The following TCERG1L variants were observed in gnomAD, a reference collection of about 807,000 sequenced individuals.
The protein encoded by TCERG1L is transcription elongation regulator 1 like.
In TCERG1L, 37 loss-of-function variants were observed where a neutral mutation model predicts 56.3. The observed-to-expected ratio is 0.66, with a 90% CI of 0.51 to 0.87. The LOEUF (loss-of-function observed/expected upper bound fraction) is 0.87. Ranked by LOEUF, TCERG1L falls within the 40% of genes least tolerant of loss-of-function variation. The probability of loss-of-function intolerance (pLI) is 0.00; values close to 1 mark genes in which losing one functional copy is unlikely to be tolerated. For missense variants in TCERG1L, 799 were observed against 774.2 expected (o/e 1.03, Z -0.38); for synonymous variants, 324 against 326.3 (o/e 0.99, Z 0.08).
chr10:131,311,623 C>A lies in TCERG1L; in HGVS notation c.13G>T (p.Ala5Ser), dbSNP rs1269338770. 2.6e-6 allele frequency: 3 copies of A among 1,135,954 alleles called. No homozygotes were observed. The highest frequency in any genetic ancestry group is 3.2e-6 in the Non-Finnish European group (3 of 927,798). 70.4% of individuals were successfully genotyped at this position (1,135,954 alleles called of 1,614,324 possible). Residue 5 changes from alanine (A) to serine (S), a missense_variant, in exon 1 of 12, where the codon GCC becomes TCC. By Grantham distance (99) the Ala-to-Ser change is moderately conservative. Transcript: ENST00000368642. This position sits in a 1 kb window ranked among gnomAD's most constrained non-coding sequence, Gnocchi z 4.0. Reference protein sequence around the residue: MQAGARFQRRRRQLQ... With the variant: MQAGSRFQRRRRQLQ... Reference sequence around the variant, plus strand: ...TGCCGCCGCCGCCGCTGGAACCTGGCGCCCGCCTGCATCCTACATCCCCGC... The same window carrying A: ...TGCCGCCGCCGCCGCTGGAACCTGGAGCCCGCCTGCATCCTACATCCCCGC...
chr10:131,282,137 GAA>G (rs543405432), intron 3 of TCERG1L, among the ~76,000 whole-genome samples: 23,003 of 91,272 alleles, frequency 0.25, 1,564 homozygotes, highest in East Asian at 0.47. Context: ...CTCCATCTCA[GAA>G]AAAAAAAAAA....
At chr10:131,242,129 A>G (rs1456767678) in intron 4 of TCERG1L, among the ~76,000 whole-genome samples, 3 of 152,200 alleles carry the variant, frequency 2.0e-5, no homozygotes, top group Admixed American at 2.0e-4. Flanking sequence ...GCTGTGCTCC[A>G]GCAAGTGAGA....
At chr10:131,239,958 T>A (rs1219292147) in intron 4 of TCERG1L, among the ~76,000 whole-genome samples, 1 of 152,174 alleles carries the variant, frequency 6.6e-6, no homozygotes, top group Non-Finnish European at 1.5e-5. Flanking sequence ...CACTTTTGTC[T>A]GTGGGGTGCT....
intron 6 of TCERG1L, chr10:131,156,093 A>G (rs1321743216): frequency 6.6e-6 from 1 of 152,212 alleles, no homozygotes; most frequent in Non-Finnish European, 1.5e-5. Context: ...CACGGGAGAA[A>G]GTGACACAGG....
chr10:131,130,092 A>C (rs935087177), intron 8 of TCERG1L, among the ~76,000 whole-genome samples: 2 of 152,032 alleles, frequency 1.3e-5, no homozygotes, highest in African/African-American at 4.8e-5. Context: ...ATTTATAAAA[A>C]AAAAAAAAAA....
chr10:131,105,734 C>T (rs1845346186), intron 9 of TCERG1L, among the ~76,000 whole-genome samples: 1 of 152,216 alleles, frequency 6.6e-6, no homozygotes, highest in Non-Finnish European at 1.5e-5. Flanking sequence ...AATACTCGTT[C>T]ATGCCTCCAC....
chr10:131,161,463 C>G (rs1445980856), intron 6 of TCERG1L: 2 of 152,200 alleles, frequency 1.3e-5, no homozygotes, highest in Non-Finnish European at 2.9e-5. Context: ...ACAGAGCTTC[C>G]CAAACTCTTA....
rs964173632 is a variant in TCERG1L, at chr10:131,118,295, C to A, written c.1260-1361G>T. Reference sequence around the variant, plus strand: ...TGGCATGTACATCTAAAGGCATGGGCCTTACCCGCTCCTTTCAAAACCAGC... The same window carrying A: ...TGGCATGTACATCTAAAGGCATGGGACTTACCCGCTCCTTTCAAAACCAGC... On this transcript the variant is annotated intron_variant, in intron 8 of 11. Coordinates refer to ENST00000368642, the MANE Select transcript of TCERG1L (RefSeq NM_174937.4). The surrounding 1 kb of genome is among the most constrained non-coding windows in gnomAD (Gnocchi z 4.2). Among the ~76,000 whole-genome samples, 2 of 152,314 alleles carry A rather than the reference C, an allele frequency of 1.3e-5. No homozygotes were observed. Among genetic ancestry groups the A allele is most frequent in the South Asian group, 2.1e-4 (1 of 4,832 alleles).
chr10:131,275,604 G>T (rs552135418), intron 3 of TCERG1L, among the ~76,000 whole-genome samples: 2 of 152,162 alleles, frequency 1.3e-5, no homozygotes, highest in African/African-American at 4.8e-5. Flanking sequence ...GGGGGAAAAG[G>T]CAAGCAGCAG....
At chr10:131,111,793 T>G (rs1265591341) in intron 9 of TCERG1L, among the ~76,000 whole-genome samples, 1 of 143,324 alleles carries the variant, frequency 7.0e-6, no homozygotes, top group African/African-American at 2.5e-5. Context: ...TATTTTTTCA[T>G]GTTGTGTTGA....
At chr10:131,259,702 G>A (rs755185637) in intron 4 of TCERG1L, among the ~76,000 whole-genome samples, 10 of 152,338 alleles carry the variant, frequency 6.6e-5, no homozygotes, top group East Asian at 1.9e-4. Context: ...AAGGGAGCAC[G>A]TCTACTGCAT....
At chr10:131,281,299 C>T (rs1434665191) in intron 3 of TCERG1L, among the ~76,000 whole-genome samples, 1 of 152,198 alleles carries the variant, frequency 6.6e-6, no homozygotes, top group Admixed American at 6.5e-5. Context: ...CCTGCACGCC[C>T]TGTGCTGCCC....
In TCERG1L at chr10:131,097,371, G is replaced by A. The variant is rs1005574589; in HGVS notation, c.1604+935C>T. Among the ~76,000 whole-genome samples the A allele has an allele frequency of 1.9e-4, 29 of 151,938 alleles. 1 individual carries two copies. The highest frequency in any genetic ancestry group is 5.8e-4 in the African/African-American group (24 of 41,318). ...TATTTATTTCTTTATTCTTTGAGAC[G>A]GAGACTCACTCTGTCGCCCAGGTTG... On this transcript the variant is annotated intron_variant, in intron 11 of 11. Coordinates refer to ENST00000368642, the MANE Select transcript of TCERG1L (RefSeq NM_174937.4).
chr10:131,180,233 C>T lies in TCERG1L; in HGVS notation c.857-13348G>A, dbSNP rs554362854. Reference sequence around the variant, plus strand: ...GGAATGGCAGATAGGGATGCAAAGTCCCAGAGCTAAGACCACAGTGGCCTG... The same window carrying T: ...GGAATGGCAGATAGGGATGCAAAGTTCCAGAGCTAAGACCACAGTGGCCTG... On this transcript the variant is annotated intron_variant, in intron 4 of 11. Coordinates refer to ENST00000368642, the MANE Select transcript of TCERG1L (RefSeq NM_174937.4). 2.0e-3 allele frequency among the ~76,000 whole-genome samples: 298 copies of T among 152,274 alleles called. 1 individual carries two copies. Among genetic ancestry groups the T allele is most frequent in the South Asian group, 3.5e-3 (17 of 4,820 alleles).
rs73396473 is a variant in TCERG1L at position 131,220,105 on chromosome 10, A to G, written c.856+40154T>C. On this transcript the variant is annotated intron_variant, in intron 4 of 11. Coordinates refer to ENST00000368642, the MANE Select transcript of TCERG1L (RefSeq NM_174937.4). ...GGCTGAGCTCCACCCTGGCACCCGC[A>G]TGGCCTTTCAGAGCCTCCAAGCCTC... is the stretch of plus-strand genomic sequence containing the variant. Among the ~76,000 whole-genome samples the G allele has an allele frequency of 6.0e-3, 917 of 152,270 alleles. 5 individuals carry two copies. The highest frequency in any genetic ancestry group is 0.021 in the African/African-American group (876 of 41,560).
chr10:131,277,144 G>A lies in TCERG1L; in HGVS notation c.671-16700C>T, dbSNP rs373211651. 1.1e-3 allele frequency among the ~76,000 whole-genome samples: 163 copies of A among 152,224 alleles called. 4 individuals are homozygous for A. The South Asian group carries it at 0.033, about 31-fold the overall frequency. ...CAACATCACCACTGAGCTAGGAGCT[G>A]TGAGGAAGAGCAGAGACCGGGCTTG... On this transcript the variant is annotated intron_variant, in intron 3 of 11. Coordinates refer to ENST00000368642, the MANE Select transcript of TCERG1L (RefSeq NM_174937.4).
intron 3 of TCERG1L, among the ~76,000 whole-genome samples, chr10:131,298,402 G>A (rs1048715635): frequency 1.3e-4 from 20 of 152,068 alleles, no homozygotes; most frequent in African/African-American, 4.1e-4. Flanking sequence ...TGTTGTGGTC[G>A]GAAAATAAAT....
intron 4 of TCERG1L, among the ~76,000 whole-genome samples, chr10:131,208,824 G>A (rs1415275171): frequency 1.3e-5 from 2 of 152,200 alleles, no homozygotes; most frequent in Non-Finnish European, 2.9e-5. Context: ...TTGGGAGACC[G>A]AGGCGGACGG....
chr10:131,246,991 C>T (rs78291932), intron 4 of TCERG1L, among the ~76,000 whole-genome samples: 2,146 of 151,636 alleles, frequency 0.014, 61 homozygotes, highest in African/African-American at 0.05. Context: ...TATGCCCAGG[C>T]GCCCTCTCAC....
Sources: gnomAD v4.1 joint callset for allele counts (sites outside exome capture counted in the v4.1 genomes callset) on GRCh38, gnomAD v4.1.1 for gene constraint, Gnocchi (gnomAD v3.1) non-coding constraint, MANE v1.5 for transcripts, NCBI Gene and HGNC (gene_info 2026-07-23, HGNC 2026-07-21) for gene names.